Variants in CADM1 observed in about 807,000 individuals in gnomAD.
CADM1 encodes TSLC-1.
Under a neutral mutation model 53.1 loss-of-function variants are expected in CADM1, and 15 were observed. That is an observed-to-expected ratio of 0.28 (90% CI 0.19 to 0.44). CADM1 has a LOEUF of 0.44. Among genes scored for constraint, CADM1 ranks in the 20% least tolerant of loss-of-function variants. CADM1 has a pLI of 1.00. For synonymous variants in CADM1, 281 were observed against 243.0 expected (o/e 1.16, Z -1.45); for missense variants, 434 against 611.3 (o/e 0.71, Z 3.06).
chr11:115,323,973 C>T (rs1301684255), intron 1 of CADM1, among the ~76,000 whole-genome samples: 2 of 151,560 alleles, frequency 1.3e-5, no homozygotes, highest in East Asian at 1.9e-4. Flanking sequence ...CCAGGAGAAG[C>T]AGATAGCCAT....
At chr11:115,294,921 C>A (rs1330785392) in intron 1 of CADM1, among the ~76,000 whole-genome samples, 2 of 152,070 alleles carry the variant, frequency 1.3e-5, no homozygotes, top group Non-Finnish European at 2.9e-5. Context: ...ACCTGTAATC[C>A]CAGCTACTCC....
intron 1 of CADM1, among the ~76,000 whole-genome samples, chr11:115,402,393 C>T (rs1215080118): frequency 7.2e-5 from 11 of 151,930 alleles, no homozygotes; most frequent in Non-Finnish European, 1.5e-4. Context: ...TGTGGTGGTG[C>T]GTGCCTGTAG....
intron 1 of CADM1, among the ~76,000 whole-genome samples, chr11:115,289,427 C>T (rs1234500): frequency 1 from 152,214 of 152,214 alleles, 76,107 homozygotes; most frequent in Non-Finnish European, 1. Context: ...TAATAATTGT[C>T]TACCTTTAAG....
At chr11:115,380,113 A>G (rs1946537174) in intron 1 of CADM1, among the ~76,000 whole-genome samples, 1 of 152,308 alleles carries the variant, frequency 6.6e-6, no homozygotes, top group African/African-American at 2.4e-5. Context: ...CAGATGCTAC[A>G]CTCAGAAAGG....
At chr11:115,439,364 C>A in intron 1 of CADM1, among the ~76,000 whole-genome samples, 1 of 152,250 alleles carries the variant, frequency 6.6e-6, no homozygotes, top group East Asian at 1.9e-4. Flanking sequence ...GTCTTGACTG[C>A]AGGGAGGAGG....
intron 1 of CADM1, among the ~76,000 whole-genome samples, chr11:115,350,925 TA>T (rs11378288): frequency 0.053 from 7,256 of 135,774 alleles, 193 homozygotes; most frequent in South Asian, 0.097. Flanking sequence ...TACGAGAAGT[TA>T]AAAAAAAAAA....
At chr11:115,179,999 A>C (rs1281242188) in intron 10 of CADM1, among the ~76,000 whole-genome samples, 5 of 152,236 alleles carry the variant, frequency 3.3e-5, no homozygotes, top group South Asian at 2.1e-4. Flanking sequence ...AGAAAGATTT[A>C]TCTCTGTCTC....
At chr11:115,236,203 G>A (rs1325522550) in intron 3 of CADM1, among the ~76,000 whole-genome samples, 1 of 152,164 alleles carries the variant, frequency 6.6e-6, no homozygotes, top group African/African-American at 2.4e-5. Flanking sequence ...GTCCTTTTCA[G>A]AGAACTGAAG....
intron 1 of CADM1, among the ~76,000 whole-genome samples, chr11:115,378,238 C>A (rs1434356832): frequency 6.6e-6 from 1 of 152,144 alleles, no homozygotes; most frequent in African/African-American, 2.4e-5. Context: ...AAACTGACAG[C>A]ATCCTCAGGA....
chr11:115,488,890 T>A (rs1949434826), intron 1 of CADM1, among the ~76,000 whole-genome samples: 1 of 152,248 alleles, frequency 6.6e-6, no homozygotes, highest in Non-Finnish European at 1.5e-5. Flanking sequence ...TTTTTGATCC[T>A]GTAGCCACTG....
chr11:115,480,075 T>C (rs1276627740), intron 1 of CADM1, among the ~76,000 whole-genome samples: 1 of 152,218 alleles, frequency 6.6e-6, no homozygotes, highest in African/African-American at 2.4e-5. Flanking sequence ...ATTCCAAACA[T>C]TTCAGCATTT....
At chr11:115,397,956 C>T (rs904626505) in intron 1 of CADM1, among the ~76,000 whole-genome samples, 2 of 152,128 alleles carry the variant, frequency 1.3e-5, no homozygotes, top group Non-Finnish European at 2.9e-5. Context: ...GGGCACATCG[C>T]CATACTTTTG....
intron 1 of CADM1, among the ~76,000 whole-genome samples, chr11:115,501,508 C>A (rs907407328): frequency 6.6e-6 from 1 of 152,198 alleles, no homozygotes; most frequent in Admixed American, 6.5e-5. Flanking sequence ...ATGCATGCAC[C>A]TTGAACGTAT....
chr11:115,246,387 GATAAA>G (rs1396074324), intron 1 of CADM1, among the ~76,000 whole-genome samples: 4 of 152,204 alleles, frequency 2.6e-5, no homozygotes, highest in Admixed American at 6.5e-5. Flanking sequence ...CAGGCTTAGA[GATAAA>G]ATAAACTAAA....
chr11:115,191,136 C>T, intron 9 of CADM1, 195 bp from the exon 10 acceptor site: 1 of 570,190 alleles, frequency 1.8e-6, no homozygotes, highest in Non-Finnish European at 3.1e-6. Flanking sequence ...GCAATCGAGG[C>T]AGAAAGATTC....
At chr11:115,455,432 TA>T (rs1040793637) in intron 1 of CADM1, among the ~76,000 whole-genome samples, 1 of 151,112 alleles carries the variant, frequency 6.6e-6, no homozygotes, top group Admixed American at 6.6e-5. Context: ...GAGAGAGAAA[TA>T]TTGGTCTCTG....
At chr11:115,257,050 T>C (rs1290178304) in intron 1 of CADM1, among the ~76,000 whole-genome samples, 1 of 152,240 alleles carries the variant, frequency 6.6e-6, no homozygotes, top group African/African-American at 2.4e-5. Flanking sequence ...ACAGCCATAA[T>C]TTCTGCAGAA....
At chr11:115,301,813 T>C (rs145327119) in intron 1 of CADM1, among the ~76,000 whole-genome samples, 25 of 152,192 alleles carry the variant, frequency 1.6e-4, no homozygotes, top group African/African-American at 5.1e-4. Flanking sequence ...ACACACCCCA[T>C]AACATTATAA....
chr11:115,393,521 AAAGT>A (rs1946898732), intron 1 of CADM1, among the ~76,000 whole-genome samples: 1 of 151,534 alleles, frequency 6.6e-6, no homozygotes. Flanking sequence ...CTTAGTAAAT[AAAGT>A]ATTAGAAAAA....
Sources: allele counts gnomAD v4.1 joint callset (sites outside exome capture counted in the v4.1 genomes callset), GRCh38; gene constraint gnomAD v4.1.1; transcripts MANE v1.5; gene names NCBI Gene and HGNC (gene_info 2026-07-23, HGNC 2026-07-21).